SIPA1L1: variants seen among roughly 807,000 people sequenced by gnomAD.
The protein encoded by SIPA1L1 is signal induced proliferation associated 1 like 1, also known as signal-induced proliferation-associated 1-like protein 1.
A neutral mutation model predicts 162.7 loss-of-function variants in SIPA1L1; 26 were observed. The observed-to-expected ratio is 0.16, with a 90% CI of 0.12 to 0.22. The LOEUF is 0.22. Ranked by LOEUF, SIPA1L1 falls within the 10% of genes least tolerant of loss-of-function variation. SIPA1L1 has a pLI of 1.00. For synonymous variants in SIPA1L1, 829 were observed against 837.4 expected, an observed-to-expected ratio of 0.99 and a Z score of 0.17; for missense variants, 1,874 against 2,241.0, an observed-to-expected ratio of 0.84 and a Z score of 3.31.
intron 2 of SIPA1L1, among the ~76,000 whole-genome samples, chr14:71,479,567 T>C (rs2048178230): frequency 6.6e-6 from 1 of 151,798 alleles, no homozygotes; most frequent in Non-Finnish European, 1.5e-5. Context: ...GGCCAATTTA[T>C]TTTTTATTTT....
At chr14:71,450,909 T>G (rs1171764949) in intron 2 of SIPA1L1, among the ~76,000 whole-genome samples, 1 of 152,178 alleles carries the variant, frequency 6.6e-6, no homozygotes, top group Admixed American at 6.5e-5. Flanking sequence ...TGGGTATATA[T>G]CCAAAGGAAT....
chr14:71,623,979 A>G, intron 6 of SIPA1L1, 69 bp from the exon 7 acceptor site: 1 of 1,329,882 alleles, frequency 7.5e-7, no homozygotes, highest in Non-Finnish European at 1.0e-6. Context: ...TCAGGCCTGC[A>G]GTGCATGTAC....
chr14:71,443,261 A>C (rs2045058105), intron 2 of SIPA1L1, among the ~76,000 whole-genome samples: 1 of 152,100 alleles, frequency 6.6e-6, no homozygotes, highest in South Asian at 2.1e-4. Context: ...TCTAGTGTGA[A>C]GGAGGTAATT....
chr14:71,423,412 G>A (rs919956905), intron 2 of SIPA1L1, among the ~76,000 whole-genome samples: 5 of 152,098 alleles, frequency 3.3e-5, no homozygotes, highest in African/African-American at 1.2e-4. Context: ...AGCCAGTGCT[G>A]TATAGCTTCT....
chr14:71,522,848 A>T (rs1487053328), intron 3 of SIPA1L1, among the ~76,000 whole-genome samples: 2 of 151,976 alleles, frequency 1.3e-5, no homozygotes, highest in African/African-American at 4.8e-5. Flanking sequence ...CTCCACCACC[A>T]CACCCAGCTA....
chr14:71,336,321 A>G (rs1274440765), intron 2 of SIPA1L1, among the ~76,000 whole-genome samples: 3 of 151,874 alleles, frequency 2.0e-5, no homozygotes, highest in African/African-American at 7.3e-5. Context: ...CCGCAAAGAA[A>G]CTCCAAGCCC....
intron 3 of SIPA1L1, among the ~76,000 whole-genome samples, chr14:71,518,722 C>T (rs1434386852): frequency 1.3e-5 from 2 of 152,122 alleles, no homozygotes; most frequent in East Asian, 1.9e-4. Context: ...TGGCAGATCA[C>T]TTGAGCTCAG....
At chr14:71,684,007 G>A (rs1232290534) in intron 12 of SIPA1L1, among the ~76,000 whole-genome samples, 1 of 152,194 alleles carries the variant, frequency 6.6e-6, no homozygotes, top group Non-Finnish European at 1.5e-5. Flanking sequence ...GAAAGCCATT[G>A]CTATTAAAGC....
At chr14:71,417,332 G>A (rs12879309) in intron 2 of SIPA1L1, among the ~76,000 whole-genome samples, 1 of 150,642 alleles carries the variant, frequency 6.6e-6, no homozygotes, top group Non-Finnish European at 1.5e-5. Context: ...TTAGCCGGGC[G>A]AGGTGGCGGG....
At chr14:71,321,934 TTGGCATTCGTTTTCTAAGA>T (rs1438133882) in intron 2 of SIPA1L1, 10 of 152,344 alleles carry the variant, frequency 6.6e-5, no homozygotes, top group Non-Finnish European at 1.5e-4. Flanking sequence ...AGCTAAATTG[TTGGCATTCGTTTTCTAAGA>T]GAAGCATTTG....
At chr14:71,665,816 A>G (rs1274997361) in intron 10 of SIPA1L1, among the ~76,000 whole-genome samples, 1 of 152,166 alleles carries the variant, frequency 6.6e-6, no homozygotes, top group Non-Finnish European at 1.5e-5. Flanking sequence ...ATAACGTTTA[A>G]TTTCTAAATT....
At chr14:71,720,365 G>A (rs1328210268) in intron 17 of SIPA1L1, among the ~76,000 whole-genome samples, 1 of 152,148 alleles carries the variant, frequency 6.6e-6, no homozygotes, top group Non-Finnish European at 1.5e-5. Context: ...CAGATCACTT[G>A]AGGTCAGGAG....
At chr14:71,424,128 T>C (rs1347197988) in intron 2 of SIPA1L1, among the ~76,000 whole-genome samples, 1 of 152,162 alleles carries the variant, frequency 6.6e-6, no homozygotes, top group Non-Finnish European at 1.5e-5. Flanking sequence ...GTAGACTTTG[T>C]CTCCTGCTAT....
chr14:71,463,114 C>T (rs897553699), intron 2 of SIPA1L1, among the ~76,000 whole-genome samples: 17 of 152,172 alleles, frequency 1.1e-4, no homozygotes, highest in Non-Finnish European at 1.8e-4. Flanking sequence ...ACCATCCCTG[C>T]GTCTTTCAAG....
At chr14:71,445,961 G>A (rs1189517817) in intron 2 of SIPA1L1, among the ~76,000 whole-genome samples, 3 of 152,006 alleles carry the variant, frequency 2.0e-5, no homozygotes, top group South Asian at 2.1e-4. Flanking sequence ...GTGCTCTTTC[G>A]TCTCAGCCTC....
intron 18 of SIPA1L1, among the ~76,000 whole-genome samples, chr14:71,724,180 ATAC>A: frequency 1.3e-5 from 2 of 152,344 alleles, no homozygotes; most frequent in East Asian, 3.9e-4. Flanking sequence ...TGCTAAGACC[ATAC>A]TAGTCCCTTT....
rs1328162447 is a variant in SIPA1L1, at chr14:71,709,210, C to T, written c.3766-12C>T. On this transcript the variant is annotated splice_polypyrimidine_tract_variant and intron_variant, in intron 16 of 23. Coordinates refer to ENST00000381232, the MANE Select transcript of SIPA1L1 (RefSeq NM_001386936.1). ...AAACTTTGCACTCAAATAAATTCTG[C>T]TTCTCTTGCAGTCTGATAGCCACTA... 2.5e-6 allele frequency: 4 copies of T among 1,593,872 alleles called. No homozygotes were observed. In the African/African-American group the frequency reaches 4.0e-5, roughly 16 times the overall value.
At chr14:71,357,887 C>T (rs895079049) in intron 2 of SIPA1L1, among the ~76,000 whole-genome samples, 7 of 152,170 alleles carry the variant, frequency 4.6e-5, no homozygotes, top group African/African-American at 1.4e-4. Flanking sequence ...ACCACCATGC[C>T]CAGCTAATTT....
chr14:71,497,422 T>C (rs2049877949), intron 2 of SIPA1L1, among the ~76,000 whole-genome samples: 1 of 152,172 alleles, frequency 6.6e-6, no homozygotes, highest in South Asian at 2.1e-4. Flanking sequence ...TGACTTTCAT[T>C]ATAATAAAGA....
Sources: gnomAD v4.1 joint callset for allele counts (sites outside exome capture counted in the v4.1 genomes callset) on GRCh38, gnomAD v4.1.1 for gene constraint, MANE v1.5 for transcripts, NCBI Gene and HGNC (gene_info 2026-07-23, HGNC 2026-07-21) for gene names.